TSHZ2: variants seen among roughly 807,000 people sequenced by gnomAD.
The protein encoded by TSHZ2 is teashirt homolog 2.
TSHZ2 carries 21 observed loss-of-function variants against 74.4 expected under a neutral mutation model. The observed-to-expected ratio is 0.28, with a 90% CI of 0.20 to 0.41. The LOEUF (loss-of-function observed/expected upper bound fraction) is 0.41. TSHZ2 is among the 10% of genes least tolerant of loss of function. TSHZ2 has a pLI of 1.00. For missense variants in TSHZ2, 1,244 were observed against 1,293.5 expected (o/e 0.96, Z 0.59); for synonymous variants, 540 against 515.3 (o/e 1.05, Z -0.65).
chr20:53,447,983 G>A lies in TSHZ2; in HGVS notation c.*9-39161G>A, dbSNP rs189702363. On this transcript the variant is annotated intron_variant, in intron 2 of 2. Coordinates refer to ENST00000371497, the MANE Select transcript of TSHZ2 (RefSeq NM_173485.6). ...GGCTGGAGTGCAGAGGCGTGATCTC[G>A]GCTCACGGCAAGCTCTGCCTCCCTG... 8.6e-5 allele frequency among the ~76,000 whole-genome samples: 13 copies of A among 150,422 alleles called. No individual in the cohort carries two copies. In the South Asian group the frequency reaches 1.5e-3, roughly 17 times the overall value.
chr20:53,207,272 A>G (rs938474253), intron 1 of TSHZ2, among the ~76,000 whole-genome samples: 2 of 152,184 alleles, frequency 1.3e-5, no homozygotes, highest in African/African-American at 4.8e-5. Context: ...TGAGAAATCC[A>G]CGAGCACCAA....
intron 2 of TSHZ2, among the ~76,000 whole-genome samples, chr20:53,417,589 A>G (rs1171602840): frequency 6.6e-6 from 1 of 152,060 alleles, no homozygotes; most frequent in Admixed American, 6.6e-5. Context: ...GAACCACTGC[A>G]CCCGGCTGTT....
intron 2 of TSHZ2, among the ~76,000 whole-genome samples, chr20:53,430,183 C>A (rs1983788980): frequency 6.6e-6 from 1 of 152,192 alleles, no homozygotes; most frequent in Admixed American, 6.5e-5. Flanking sequence ...TGGCTCACTG[C>A]AACCTCTGTC....
intron 1 of TSHZ2, among the ~76,000 whole-genome samples, chr20:53,012,411 G>C (rs760638728): frequency 7.2e-5 from 11 of 152,142 alleles, no homozygotes; most frequent in Non-Finnish European, 1.5e-4. Context: ...GTCTGGATTT[G>C]TTAGGAATGC....
In TSHZ2 at chr20:53,205,969, C is replaced by T. The variant is rs369182193; in HGVS notation, c.41-47530C>T. 1.1e-4 allele frequency among the ~76,000 whole-genome samples: 16 copies of T among 152,268 alleles called. No individual in the cohort carries two copies. In the East Asian group the frequency reaches 3.1e-3, roughly 29 times the overall value. ...GGCACGGTGGCTCACACCTGTAATC[C>T]TAGCACTTTGAGAGGCCAAGGCGGG... On this transcript the variant is annotated intron_variant, in intron 1 of 2. Coordinates refer to ENST00000371497, the MANE Select transcript of TSHZ2 (RefSeq NM_173485.6).
chr20:53,317,294 A>G (rs1242309983), intron 2 of TSHZ2, among the ~76,000 whole-genome samples: 1 of 152,188 alleles, frequency 6.6e-6, no homozygotes, highest in Non-Finnish European at 1.5e-5. Context: ...AATCAAAGAT[A>G]AGGATTAGAA....
intron 2 of TSHZ2, among the ~76,000 whole-genome samples, chr20:53,340,083 T>A (rs1235304099): frequency 1.3e-5 from 2 of 152,004 alleles, no homozygotes; most frequent in African/African-American, 4.8e-5. Context: ...TTTGGTGTGA[T>A]CATCTCTTTC....
intron 1 of TSHZ2, among the ~76,000 whole-genome samples, chr20:53,019,596 T>A (rs970031431): frequency 6.6e-6 from 1 of 152,156 alleles, no homozygotes; most frequent in African/African-American, 2.4e-5. Context: ...TGTGATGTAA[T>A]GGTCAGGTCT....
intron 2 of TSHZ2, among the ~76,000 whole-genome samples, chr20:53,482,061 G>A (rs62206389): frequency 0.032 from 4,457 of 138,624 alleles, 90 homozygotes; most frequent in Middle Eastern, 0.05. Context: ...TCGAGATATC[G>A]TGCCATTGCA....
At chr20:53,292,751 T>G (rs1406088450) in intron 2 of TSHZ2, among the ~76,000 whole-genome samples, 1 of 152,234 alleles carries the variant, frequency 6.6e-6, no homozygotes, top group Admixed American at 6.5e-5. Context: ...GCTAACAATC[T>G]GTTGAGAGTT....
intron 2 of TSHZ2, among the ~76,000 whole-genome samples, chr20:53,262,296 G>C (rs1212829741): frequency 6.6e-6 from 1 of 151,538 alleles, no homozygotes; most frequent in East Asian, 1.9e-4. Flanking sequence ...GTGACATTCT[G>C]TGGTAAATGG....
chr20:53,327,243 C>G (rs981924593), intron 2 of TSHZ2, among the ~76,000 whole-genome samples: 1 of 152,172 alleles, frequency 6.6e-6, no homozygotes, highest in Non-Finnish European at 1.5e-5. Flanking sequence ...AGGAAGATCC[C>G]CTCGTCATCT....
At chr20:53,141,987 T>C (rs1987411354) in intron 1 of TSHZ2, among the ~76,000 whole-genome samples, 1 of 152,098 alleles carries the variant, frequency 6.6e-6, no homozygotes. Flanking sequence ...TCAGGGACGG[T>C]GGTGGGGGGC....
At chr20:53,060,980 A>C (rs1984804032) in intron 1 of TSHZ2, among the ~76,000 whole-genome samples, 2 of 152,090 alleles carry the variant, frequency 1.3e-5, no homozygotes, top group Non-Finnish European at 2.9e-5. Context: ...TACTTATTAC[A>C]TATTGCTTCA....
chr20:53,001,222 G>GTATGTGTGTGTGTGTGTGTGTA lies in TSHZ2; in HGVS notation c.40+27890_40+27891insATGTGTGTGTGTGTGTGTGTAT, dbSNP rs1555813598. The stretch of plus-strand genomic sequence containing the variant: ...TTCATGTGCGTGTGTGTGTGTGTGT[G>GTATGTGTGTGTGTGTGTGTGTA]TGTGTGTGTGTGTGTGTGTGTGTGT... On this transcript the variant is annotated intron_variant, in intron 1 of 2. Coordinates refer to ENST00000371497, the MANE Select transcript of TSHZ2 (RefSeq NM_173485.6). Among the ~76,000 whole-genome samples, 150 of 147,380 alleles carry GTATGTGTGTGTGTGTGTGTGTA rather than the reference G, an allele frequency of 1.0e-3. 1 individual carries two copies. The highest frequency in any genetic ancestry group is 3.5e-3 in the African/African-American group (137 of 39,416).
At position 53,369,515 on chromosome 20, in the gene TSHZ2, G is replaced by A. The variant is rs149568403; in HGVS notation, c.*8+112944G>A. Reference sequence around the variant, plus strand: ...TGAGGCCAGGAGTTCAAGACCAGCCGGGCCAGCATGGTGAAACCCCATCTT... The same window carrying A: ...TGAGGCCAGGAGTTCAAGACCAGCCAGGCCAGCATGGTGAAACCCCATCTT... On this transcript the variant is annotated intron_variant, in intron 2 of 2. Coordinates refer to ENST00000371497, the MANE Select transcript of TSHZ2 (RefSeq NM_173485.6). 1.8e-4 allele frequency among the ~76,000 whole-genome samples: 28 copies of A among 151,912 alleles called. No homozygotes were observed. The East Asian group carries it at 2.9e-3, about 16-fold the overall frequency.
At chr20:53,181,591 G>C (rs1988470095) in intron 1 of TSHZ2, among the ~76,000 whole-genome samples, 1 of 151,974 alleles carries the variant, frequency 6.6e-6, no homozygotes, top group Admixed American at 6.6e-5. Flanking sequence ...CTTTTATTTA[G>C]AAATTAACAA....
Position 53,255,367 on chromosome 20 carries a change from A to G in TSHZ2, c.1909A>G (p.Ser637Gly), listed in dbSNP as rs1990444792. The G allele has an allele frequency of 6.2e-7, 1 of 1,613,960 alleles. No homozygotes were observed. Among genetic ancestry groups the G allele is most frequent in the South Asian group, 1.1e-5 (1 of 91,082 alleles). The change falls in exon 2 of 3, where the codon AGT becomes GGT. Residue 637 changes from serine (S) to glycine (G), a missense_variant. Coordinates refer to ENST00000371497, the MANE Select transcript of TSHZ2 (RefSeq NM_173485.6). This position sits in a 1 kb window ranked among gnomAD's most constrained non-coding sequence, Gnocchi z 4.1. ...SHSEGDSFRK[S>G]ETPPEAKKTE... ...CAGTGAGGGCGATTCTTTCCGCAAA[A>G]GTGAAACACCTCCAGAAGCCAAAAA...
chr20:53,437,430 A>G (rs1247494505), intron 2 of TSHZ2, among the ~76,000 whole-genome samples: 1 of 152,090 alleles, frequency 6.6e-6, no homozygotes, highest in Non-Finnish European at 1.5e-5. Context: ...CCAAGATTGC[A>G]CCACTGCACT....
Sources: gnomAD v4.1 joint callset for allele counts (sites outside exome capture counted in the v4.1 genomes callset) on GRCh38, gnomAD v4.1.1 for gene constraint, Gnocchi (gnomAD v3.1) non-coding constraint, MANE v1.5 for transcripts, NCBI Gene and HGNC (gene_info 2026-07-23, HGNC 2026-07-21) for gene names.